ATG2A: variants seen among roughly 807,000 people sequenced by gnomAD.
ATG2A encodes the protein autophagy related 2A, also known as autophagy-related protein 2 homolog A.
ATG2A carries 103 observed loss-of-function variants against 214.2 expected under a neutral mutation model. The ratio of observed to expected loss-of-function variants is 0.48; its 90% confidence interval spans 0.41 to 0.57. ATG2A has a LOEUF of 0.57. ATG2A is among the 20% of genes least tolerant of loss of function. ATG2A has a pLI of 0.00. For missense variants in ATG2A, 2,312 were observed against 2,613.2 expected (o/e 0.88, Z 2.51); for synonymous variants, 1,160 against 1,142.1 (o/e 1.02, Z -0.32).
rs377563211 is a variant in ATG2A, at chr11:64,902,312, G to A, written c.3852C>T (p.Ala1284=). ...ETALINQRDL[A]DALLDTERSL... is the part of the protein sequence containing the mutation. ...TGCGCTCGGTGTCCAGGAGGGCGTC[G>A]GCCAGGTCACGCTGGTTGATGAGGG... Residue 1284 remains alanine (A), a synonymous_variant, in exon 28 of 41, where the codon GCC becomes GCT. Transcript: ENST00000377264. The A allele has an allele frequency of 5.6e-6, 9 of 1,611,770 alleles. No individual in the cohort carries two copies. The highest frequency in any genetic ancestry group is 1.9e-4 in the Middle Eastern group (1 of 5,386).
rs371985276 is a variant in ATG2A at position 64,906,768 on chromosome 11, C to T, written c.2880G>A (p.Leu960=). Residue 960 remains leucine (L), a synonymous_variant, in exon 20 of 41, where the codon CTG becomes CTA. Coordinates refer to ENST00000377264, the MANE Select transcript of ATG2A (RefSeq NM_015104.3). ...RLEAVHGELV[L]DMEHGTLFSV... is the part of the protein sequence containing the mutation. Reference sequence around the variant, plus strand: ...TGAAGAGGGTACCGTGCTCCATGTCCAGCACCAGCTCCCCGTGCACAGCCT... The same window carrying T: ...TGAAGAGGGTACCGTGCTCCATGTCTAGCACCAGCTCCCCGTGCACAGCCT... 4.8e-5 allele frequency: 77 copies of T among 1,613,348 alleles called. No individual in the cohort carries two copies. The African/African-American group carries it at 8.4e-4, about 18-fold the overall frequency.
chr11:64,907,384 G>T lies in ATG2A; in HGVS notation c.2703C>A (p.Phe901Leu). ...DSDSDDEDAH[F>L]FSVGASGGPQ... is the part of the protein sequence containing the mutation. ...GGCCACCTGATGCCCCCACTGAGAA[G>T]AAGTGGGCATCCTCGTCATCCGAGT... is the stretch of plus-strand genomic sequence containing the variant. The change falls in exon 19 of 41, where the codon TTC becomes TTA. Residue 901 changes from phenylalanine (F) to leucine (L), a missense_variant. Transcript: ENST00000377264. 1 of 1,570,460 alleles carries T rather than the reference G, an allele frequency of 6.4e-7. No individual in the cohort carries two copies. The highest frequency in any genetic ancestry group is 8.6e-7 in the Non-Finnish European group (1 of 1,158,030).
At position 64,900,966 on chromosome 11, in the gene ATG2A, T is replaced by C; in HGVS notation, c.4246A>G (p.Ser1416Gly). Residue 1416 changes from serine (S) to glycine (G), a missense_variant, in exon 30 of 41, where the codon AGC (serine) becomes GGC (glycine). Physicochemically the swap from Ser to Gly is moderately conservative, Grantham distance 56. Transcript: ENST00000377264. Reference protein sequence around the residue: ...LRAPAHFPVPSTRVVLREVSL... With the variant: ...LRAPAHFPVPGTRVVLREVSL... Reference sequence around the variant, plus strand: ...ACCTCACGTAGCACCACCCGAGTGCTGGGCACTGGGAAATGGGCAGGTGCC... The same window carrying C: ...ACCTCACGTAGCACCACCCGAGTGCCGGGCACTGGGAAATGGGCAGGTGCC... 1 of 1,585,442 alleles carries C rather than the reference T, an allele frequency of 6.3e-7. No homozygotes were observed. The highest frequency in any genetic ancestry group is 8.6e-7 in the Non-Finnish European group (1 of 1,166,158).
intron 29 of ATG2A, 149 bp from the exon 30 acceptor site, chr11:64,901,241 T>C: frequency 1.3e-6 from 1 of 761,246 alleles, no homozygotes; most frequent in Non-Finnish European, 2.1e-6. Flanking sequence ...TGGAGTGCAG[T>C]GGCACAATCA....
In ATG2A at chr11:64,913,717, T is replaced by G; in HGVS notation, c.590+104A>C. On this transcript the variant is annotated intron_variant, in intron 4 of 40. Transcript: ENST00000377264. This position sits in a 1 kb window ranked among gnomAD's most constrained non-coding sequence, Gnocchi z 4.3. ...CTACCACCACCGAGGCCCATCCAGA[T>G]CCACCCTGCCTCTTCCCAGGAACCT... The G allele has an allele frequency of 8.3e-7, 1 of 1,201,252 alleles. No homozygotes were observed. The highest frequency in any genetic ancestry group is 1.2e-6 in the Non-Finnish European group (1 of 833,686). The allele number at this position is 1,201,252 out of a possible 1,614,324, so 74.4% of individuals were successfully genotyped here. A position where few individuals can be genotyped will look rare whatever the true frequency, so the allele number is the denominator to read the frequency against.
rs1944787535 is a variant in ATG2A at position 64,911,912 on chromosome 11, A to ATC, written c.1156_1157dup (p.Asp386GlufsTer3). On this transcript the variant is annotated frameshift_variant, in exon 9 of 41. Coordinates refer to ENST00000377264, the MANE Select transcript of ATG2A (RefSeq NM_015104.3). LOFTEE classifies it high-confidence loss of function. Reference sequence around the variant, plus strand: ...TGCGCACAGAGGAGGCCAGGTCTACATCGGAGAGGGAGAGCTCAGAGAGGG... The same window carrying ATC: ...TGCGCACAGAGGAGGCCAGGTCTACATCTCGGAGAGGGAGAGCTCAGAGAGGG... The ATC allele has an allele frequency of 1.2e-6, 2 of 1,613,552 alleles. No individual in the cohort carries two copies. Among genetic ancestry groups the ATC allele is most frequent in the Non-Finnish European group, 1.7e-6 (2 of 1,179,836 alleles).
chr11:64,903,576 C>T lies in ATG2A; in HGVS notation c.3535+14G>A. 6.5e-7 allele frequency: 1 copy of T among 1,542,880 alleles called. No homozygotes were observed. The highest frequency in any genetic ancestry group is 8.8e-7 in the Non-Finnish European group (1 of 1,141,722). ...CCCTCAGAGGGGAGGGAGCCCAGTC[C>T]CGGCCCTGCCCACCTCGCCGCAGGT... On this transcript the variant is annotated intron_variant, in intron 25 of 40. Transcript: ENST00000377264. The surrounding 1 kb of genome is among the most constrained non-coding windows in gnomAD (Gnocchi z 4.2).
chr11:64,910,526 G>T, intron 12 of ATG2A, 90 bp downstream of exon 12: 1 of 1,411,134 alleles, frequency 7.1e-7, no homozygotes, highest in Non-Finnish European at 9.7e-7. Flanking sequence ...AAGAGGGACA[G>T]GGCTGGGCAG....
intron 7 of ATG2A, 35 bp from the exon 8 acceptor site, chr11:64,912,284 G>GCCCGGCCCCCCCCCCCC: frequency 6.2e-7 from 1 of 1,602,386 alleles, no homozygotes; most frequent in Non-Finnish European, 8.5e-7. Flanking sequence ...GGGCTGGCTG[G>GCCCGGCCCCCCCCCCCC]CCCTCCCAGC....
rs754611084 is a variant in ATG2A, at chr11:64,907,240, C to T, written c.2832+15G>A. 6.6e-5 allele frequency: 97 copies of T among 1,477,932 alleles called. No individual in the cohort carries two copies. The South Asian group carries it at 6.9e-4, about 11-fold the overall frequency. The allele number at this position is 1,477,932 out of a possible 1,614,324, so 91.6% of individuals were successfully genotyped here. On this transcript the variant is annotated intron_variant, in intron 19 of 40. Transcript: ENST00000377264. ...CTCTGAAGTTTGGGGCCCGCCTGCC[C>T]GGGGCTGCACTCACCTTGGTCTCAC... is the stretch of plus-strand genomic sequence containing the variant.
Position 64,898,926 on chromosome 11 carries a change from T to C in ATG2A, c.4465-84A>G. On this transcript the variant is annotated intron_variant, in intron 31 of 40. Transcript: ENST00000377264. This position sits in a 1 kb window ranked among gnomAD's most constrained non-coding sequence, Gnocchi z 4.5. ...TGGCCCCAGACCCCTTCTCTATTCT[T>C]TTTTTGAGACAGAGTCTCACTCTGT... 2.3e-6 allele frequency: 3 copies of C among 1,331,320 alleles called. No homozygotes were observed. The highest frequency in any genetic ancestry group is 3.1e-6 in the Non-Finnish European group (3 of 967,736). 82.5% of individuals were successfully genotyped at this position (1,331,320 alleles called of 1,614,324 possible).
intron 37 of ATG2A, chr11:64,897,178 T>A: frequency 1.6e-6 from 1 of 618,778 alleles, no homozygotes; most frequent in Admixed American, 3.0e-5. Flanking sequence ...CCACCACGCC[T>A]GGCTAATTTT....
chr11:64,898,260 C>G lies in ATG2A; in HGVS notation c.4773+1G>C, dbSNP rs1468992737. 1 of 1,613,816 alleles carries G rather than the reference C, an allele frequency of 6.2e-7. No homozygotes were observed. ...GCTCTGCCCTCACGTAGACCACTCA[C>G]CTGGTCCACATTGAGCCGCAGGGGC... On this transcript the variant is annotated splice_donor_variant, in intron 33 of 40. Transcript: ENST00000377264. LOFTEE classifies it high-confidence loss of function. This position sits in a 1 kb window ranked among gnomAD's most constrained non-coding sequence, Gnocchi z 4.5.
Position 64,907,541 on chromosome 11 carries a change from C to T in ATG2A, c.2631G>A (p.Lys877=), listed in dbSNP as rs1449001779. 6 of 1,612,560 alleles carry T rather than the reference C, an allele frequency of 3.7e-6. No individual in the cohort carries two copies. The highest frequency in any genetic ancestry group is 5.1e-6 in the Non-Finnish European group (6 of 1,179,734). Residue 877 remains lysine (K), a synonymous_variant, in exon 18 of 41, where the codon AAG becomes AAA. Coordinates refer to ENST00000377264, the MANE Select transcript of ATG2A (RefSeq NM_015104.3). Reference sequence around the variant, plus strand: ...CTCTCATACCCAGCTTGAAGGCTGACTTGCACATCTTAAAGCTGTCGTGCC... The same window carrying T: ...CTCTCATACCCAGCTTGAAGGCTGATTTGCACATCTTAAAGCTGTCGTGCC... ...GFWHDSFKMC[K]SAFKLANCFD... is the part of the protein sequence containing the mutation.
intron 19 of ATG2A, 139 bp downstream of exon 19, chr11:64,907,116 C>G: frequency 9.5e-7 from 1 of 1,052,370 alleles, no homozygotes; most frequent in Non-Finnish European, 1.3e-6. Flanking sequence ...GGTGGGCAGG[C>G]TGGCGTGGGT....
chr11:64,896,445 A>G lies in ATG2A; in HGVS notation c.5427+17T>C. The stretch of plus-strand genomic sequence containing the variant: ...CTGCTCTGTCCTGCACAGCCCAGAT[A>G]CAGGGCACCCACTCACCTGGATAGC... On this transcript the variant is annotated intron_variant, in intron 39 of 40. Transcript: ENST00000377264. 6.2e-7 allele frequency: 1 copy of G among 1,601,884 alleles called. No individual in the cohort carries two copies. The highest frequency in any genetic ancestry group is 8.5e-7 in the Non-Finnish European group (1 of 1,174,070).
Position 64,897,508 on chromosome 11 carries a change from G to A in ATG2A, c.5068-14C>T. On this transcript the variant is annotated splice_polypyrimidine_tract_variant and intron_variant, in intron 36 of 40. Transcript: ENST00000377264. Reference sequence around the variant, plus strand: ...AGCAAAAGTGCCCTGGGAGAGGGAGGGGGTCCAGGTTTACCCAATGGGACT... The same window carrying A: ...AGCAAAAGTGCCCTGGGAGAGGGAGAGGGTCCAGGTTTACCCAATGGGACT... The A allele has an allele frequency of 6.3e-7, 1 of 1,583,924 alleles. No homozygotes were observed. Among genetic ancestry groups the A allele is most frequent in the Non-Finnish European group, 8.6e-7 (1 of 1,165,026 alleles).
chr11:64,897,025 T>A, intron 37 of ATG2A, 156 bp from the exon 38 acceptor site: 1 of 167,088 alleles, frequency 6.0e-6, no homozygotes, highest in Non-Finnish European at 1.1e-5. Context: ...GACTGTGTCC[T>A]TTTTTTTTTT....
intron 26 of ATG2A, 81 bp from the exon 27 acceptor site, chr11:64,902,761 A>C: frequency 1.5e-6 from 2 of 1,332,156 alleles, no homozygotes; most frequent in Non-Finnish European, 2.1e-6. Context: ...CTGGGAGGGC[A>C]CCGCAGTTCT....
Sources: allele counts gnomAD v4.1 joint callset, GRCh38; gene constraint gnomAD v4.1.1; non-coding constraint Gnocchi (gnomAD v3.1); transcripts MANE v1.5; gene names NCBI Gene and HGNC (gene_info 2026-07-23, HGNC 2026-07-21).